Variants in RCOR1 observed in about 807,000 individuals in gnomAD.
RCOR1 encodes the protein REST corepressor 1, also known as REST corepressor.
Under a neutral mutation model 64.0 loss-of-function variants are expected in RCOR1, and 12 were observed. The observed-to-expected ratio is 0.19, with a 90% CI of 0.12 to 0.30. The LOEUF (loss-of-function observed/expected upper bound fraction) is 0.30. Among genes scored for constraint, RCOR1 ranks in the 10% least tolerant of loss-of-function variants. The pLI is 1.00. For synonymous variants in RCOR1, 279 were observed against 227.2 expected, an observed-to-expected ratio of 1.23 and a Z score of -2.05; for missense variants, 502 against 621.2, an observed-to-expected ratio of 0.81 and a Z score of 2.04.
chr14:102,664,083 A>T (rs376776739), intron 2 of RCOR1, among the ~76,000 whole-genome samples: 1 of 152,256 alleles, frequency 6.6e-6, no homozygotes, highest in African/African-American at 2.4e-5. Flanking sequence ...AACTCAGATT[A>T]CTGGAAAGTG....
rs1423614462 is a variant in RCOR1, at chr14:102,639,494, A to AATTT, written c.362-42400_362-42397dup. 4.9e-4 allele frequency among the ~76,000 whole-genome samples: 68 copies of AATTT among 139,108 alleles called. 1 individual carries two copies. The highest frequency in any genetic ancestry group is 2.0e-3 in the Admixed American group (27 of 13,210). 91.3% of individuals were successfully genotyped at this position (139,108 alleles called of 152,430 possible). A position where few individuals can be genotyped will look rare whatever the true frequency, so the allele number is the denominator to read the frequency against. On this transcript the variant is annotated intron_variant, in intron 2 of 11. Transcript: ENST00000262241. ...TGTCTGGCTAATTAATTTATTTTTTAATTTTTATTTATTTATTTATTTATT... is the reference window on the plus strand; with the variant it reads ...TGTCTGGCTAATTAATTTATTTTTTAATTTATTTTTATTTATTTATTTATTTATT...
intron 2 of RCOR1, among the ~76,000 whole-genome samples, chr14:102,664,404 C>T (rs1894879004): frequency 6.6e-6 from 1 of 152,218 alleles, no homozygotes; most frequent in Admixed American, 6.5e-5. Context: ...TATGAGCCAC[C>T]ATGCCTGGCT....
At chr14:102,631,422 C>T (rs1894108758) in intron 2 of RCOR1, among the ~76,000 whole-genome samples, 1 of 151,742 alleles carries the variant, frequency 6.6e-6, no homozygotes, top group Non-Finnish European at 1.5e-5. Flanking sequence ...CCAGGATGGT[C>T]TCGATCTCCT....
chr14:102,632,382 T>A (rs961214744), intron 2 of RCOR1, among the ~76,000 whole-genome samples: 2 of 150,290 alleles, frequency 1.3e-5, no homozygotes, highest in African/African-American at 4.9e-5. Context: ...CACGCCCGGC[T>A]CATTTTTTGT....
rs1365645174 is a variant in RCOR1 at position 102,625,231 on chromosome 14, C to T, written c.361+31906C>T. Among the ~76,000 whole-genome samples the T allele has an allele frequency of 1.8e-4, 14 of 79,190 alleles. No homozygotes were observed. The Admixed American group carries it at 1.9e-3, about 11-fold the overall frequency. 52.0% of individuals were successfully genotyped at this position (79,190 alleles called of 152,430 possible). On this transcript the variant is annotated intron_variant, in intron 2 of 11. Transcript: ENST00000262241. ...CTTGCATTCCAGGTCTATCTTGTTA[C>T]TTTTTTTTTTTTTTTTTTTTTTTTG...
intron 2 of RCOR1, among the ~76,000 whole-genome samples, chr14:102,674,289 A>G (rs903532972): frequency 6.6e-6 from 1 of 152,182 alleles, no homozygotes; most frequent in Non-Finnish European, 1.5e-5. Flanking sequence ...TCACAGTAAC[A>G]CCTAGATTAA....
chr14:102,640,714 C>A (rs1475252293), intron 2 of RCOR1, among the ~76,000 whole-genome samples: 1 of 152,204 alleles, frequency 6.6e-6, no homozygotes, highest in Non-Finnish European at 1.5e-5. Flanking sequence ...TTGGCTCACG[C>A]CTGTAATTCC....
At chr14:102,656,887 T>C (rs1338718062) in intron 2 of RCOR1, among the ~76,000 whole-genome samples, 1 of 151,952 alleles carries the variant, frequency 6.6e-6, no homozygotes, top group Non-Finnish European at 1.5e-5. Flanking sequence ...GTGATTCTCT[T>C]GCCTCAGCCT....
At chr14:102,714,369 A>G (rs550317825) in intron 7 of RCOR1, 54 bp from the exon 8 acceptor site, 18 of 1,179,088 alleles carry the variant, frequency 1.5e-5, no homozygotes, top group African/African-American at 3.1e-5. Context: ...TATGTTTATT[A>G]CTGATCATTT....
intron 2 of RCOR1, chr14:102,657,214 G>T: frequency 1.0e-6 from 1 of 985,218 alleles, no homozygotes; most frequent in Non-Finnish European, 1.2e-6. Context: ...GCCTCACGGT[G>T]CTGGATATGG....
rs893178987 is a variant in RCOR1, at chr14:102,593,101, G to C, written c.215G>C (p.Ser72Thr). ...AAAPNNGQNK[S>T]LAAAAPNGNS... ...GCCCCCAATAATGGCCAGAATAAAA[G>C]TTTGGCGGCGGCGGCGCCCAATGGC... Residue 72 changes from serine to threonine, a missense_variant, in exon 1 of 12, where the codon AGT (serine) becomes ACT (threonine). Physicochemically the swap from Ser to Thr is moderately conservative, Grantham distance 58 (BLOSUM62 1). This residue lies in a region of RCOR1 where 242 missense variants were observed against 204.9 expected (regional missense o/e 1.18). Coordinates refer to ENST00000262241, the MANE Select transcript of RCOR1 (RefSeq NM_015156.4). 30 of 1,499,390 alleles carry C rather than the reference G, an allele frequency of 2.0e-5. No homozygotes were observed. Among genetic ancestry groups the C allele is most frequent in the South Asian group, 3.8e-5 (3 of 78,884 alleles). 92.9% of individuals were successfully genotyped at this position (1,499,390 alleles called of 1,614,324 possible).
intron 2 of RCOR1, among the ~76,000 whole-genome samples, chr14:102,651,320 C>A (rs982141409): frequency 6.6e-6 from 1 of 151,872 alleles, no homozygotes; most frequent in African/African-American, 2.4e-5. Flanking sequence ...TTTAGGAGGC[C>A]GAGGAAGGCG....
chr14:102,694,522 G>A (rs879736968), intron 3 of RCOR1, among the ~76,000 whole-genome samples: 2 of 152,118 alleles, frequency 1.3e-5, no homozygotes, highest in African/African-American at 4.8e-5. Flanking sequence ...TGATCCACCC[G>A]CCTCGTCCTC....
chr14:102,698,645 T>TA (rs1004886071), intron 3 of RCOR1, among the ~76,000 whole-genome samples: 1 of 152,220 alleles, frequency 6.6e-6, no homozygotes, highest in African/African-American at 2.4e-5. Flanking sequence ...CTTCTGTCCT[T>TA]ACATATTCCT....
intron 3 of RCOR1, among the ~76,000 whole-genome samples, chr14:102,690,738 A>G (rs1183816658): frequency 1.3e-5 from 2 of 152,072 alleles, no homozygotes; most frequent in Non-Finnish European, 2.9e-5. Context: ...GTCTTAACTC[A>G]CTTTCTTTCA....
intron 2 of RCOR1, among the ~76,000 whole-genome samples, chr14:102,601,238 C>G (rs1157418620): frequency 7.2e-5 from 11 of 151,862 alleles, no homozygotes. Flanking sequence ...GTTTCGAACT[C>G]TTGACCTCAG....
chr14:102,718,665 A>C (rs575137762), intron 8 of RCOR1, among the ~76,000 whole-genome samples: 1 of 151,916 alleles, frequency 6.6e-6, no homozygotes, highest in African/African-American at 2.4e-5. Context: ...TTTAAGTGTG[A>C]TTACCTTTGC....
intron 8 of RCOR1, among the ~76,000 whole-genome samples, chr14:102,715,193 C>T (rs868080524): frequency 2.0e-5 from 3 of 151,680 alleles, no homozygotes; most frequent in Non-Finnish European, 4.4e-5. Context: ...CTCAGCCTCC[C>T]GAGTAGCTGG....
rs1029365647 is a variant in RCOR1 at position 102,726,398 on chromosome 14, T to C, written c.1420-70T>C. 7 of 1,407,324 alleles carry C rather than the reference T, an allele frequency of 5.0e-6. No individual in the cohort carries two copies. In the African/African-American group the frequency reaches 1.0e-4, roughly 20 times the overall value. The allele number at this position is 1,407,324 out of a possible 1,614,324, so 87.2% of individuals were successfully genotyped here. A position where few individuals can be genotyped will look rare whatever the true frequency, so the allele number is the denominator to read the frequency against. ...TGGCTACCTTCTCTTTTCAGTACAC[T>C]GGAAATAGCAGCTTGTGTTGTTTAC... is the stretch of plus-strand genomic sequence containing the variant. On this transcript the variant is annotated intron_variant, in intron 11 of 11. Transcript: ENST00000262241.
Sources: allele counts gnomAD v4.1 joint callset (sites outside exome capture counted in the v4.1 genomes callset), GRCh38; gene constraint gnomAD v4.1.1; regional missense constraint gnomAD v4.1.1; transcripts MANE v1.5; gene names NCBI Gene and HGNC (gene_info 2026-07-23, HGNC 2026-07-21).